Variants in NOTCH4 observed in about 807,000 individuals in gnomAD.
NOTCH4 encodes notch receptor 4.
A neutral mutation model predicts 189.0 loss-of-function variants in NOTCH4; 138 were observed. The observed-to-expected ratio is 0.73, with a 90% CI of 0.64 to 0.84. The LOEUF (loss-of-function observed/expected upper bound fraction) is 0.84, where lower values mean the gene tolerates loss of function less well. NOTCH4 is among the 40% of genes least tolerant of loss of function. The pLI is 0.00. For synonymous variants in NOTCH4, 942 were observed against 1,032.8 expected (o/e 0.91, Z 1.69); for missense variants, 2,286 against 2,605.4 (o/e 0.88, Z 2.67).
At position 32,217,097 on chromosome 6, in the gene NOTCH4, G is replaced by T; in HGVS notation, c.1739-30C>A. 6.2e-7 allele frequency: 1 copy of T among 1,613,042 alleles called. No individual in the cohort carries two copies. Among genetic ancestry groups the T allele is most frequent in the African/African-American group, 1.3e-5 (1 of 75,050 alleles). On this transcript the variant is annotated intron_variant, in intron 10 of 29. Transcript: ENST00000375023. This position sits in a 1 kb window ranked among gnomAD's most constrained non-coding sequence, Gnocchi z 4.2. Reference sequence around the variant, plus strand: ...GGCACAGCAGGAAGGTCAGGGACCTGCACGGATGTCTGCCTCCTGCTCCCG... The same window carrying T: ...GGCACAGCAGGAAGGTCAGGGACCTTCACGGATGTCTGCCTCCTGCTCCCG...
At position 32,212,719 on chromosome 6, in the gene NOTCH4, T is replaced by G. The variant is rs1245513816; in HGVS notation, c.2527-92A>C. 6.6e-7 allele frequency: 1 copy of G among 1,504,446 alleles called. No individual in the cohort carries two copies. The highest frequency in any genetic ancestry group is 9.0e-7 in the Non-Finnish European group (1 of 1,117,148). The allele number at this position is 1,504,446 out of a possible 1,614,324, so 93.2% of individuals were successfully genotyped here. On this transcript the variant is annotated intron_variant, in intron 16 of 29. Transcript: ENST00000375023. This position sits in a 1 kb window ranked among gnomAD's most constrained non-coding sequence, Gnocchi z 4.4. ...GCCCACTCCAGCTCCTCGAAATCCCTTACTTCAAAAACCTTCTCCTGAATG... is the reference window on the plus strand; with the variant it reads ...GCCCACTCCAGCTCCTCGAAATCCCGTACTTCAAAAACCTTCTCCTGAATG...
chr6:32,198,322 TA>T lies in NOTCH4; in HGVS notation c.4756+98del. 1 of 1,292,786 alleles carries T rather than the reference TA, an allele frequency of 7.7e-7. No individual in the cohort carries two copies. The highest frequency in any genetic ancestry group is 1.1e-6 in the Non-Finnish European group (1 of 938,592). The allele number at this position is 1,292,786 out of a possible 1,614,324, so 80.1% of individuals were successfully genotyped here. On this transcript the variant is annotated intron_variant, in intron 26 of 29. Coordinates refer to ENST00000375023, the MANE Select transcript of NOTCH4 (RefSeq NM_004557.4). This position sits in a 1 kb window ranked among gnomAD's most constrained non-coding sequence, Gnocchi z 5.5. Reference sequence around the variant, plus strand: ...AATCATTGTTCTAAGGCACTCAGTCTAAAATTATTTCCTCTAGTTCTGATAT... The same window carrying T: ...AATCATTGTTCTAAGGCACTCAGTCTAAATTATTTCCTCTAGTTCTGATAT...
chr6:32,195,785 C>A lies in NOTCH4; in HGVS notation c.5664G>T (p.Ala1888=). 6.2e-7 allele frequency: 1 copy of A among 1,606,722 alleles called. No homozygotes were observed. The highest frequency in any genetic ancestry group is 8.5e-7 in the Non-Finnish European group (1 of 1,179,416). The change falls in exon 30 of 30, where the codon GCG becomes GCT. Residue 1888 remains alanine, a synonymous_variant. Transcript: ENST00000375023. The surrounding 1 kb of genome is among the most constrained non-coding windows in gnomAD (Gnocchi z 5.4). ...QARTWSVDLA[A]RGGGAYSHCR... ...AATGAGAATAGGCCCCGCCCCCCCG[C>A]GCAGCCAAGTCTACGGACCAAGTCC...
Position 32,214,212 on chromosome 6 carries a change from C to T in NOTCH4, c.2065G>A (p.Glu689Lys), listed in dbSNP as rs1789225075. Residue 689 changes from glutamate to lysine, a missense_variant, in exon 13 of 30, where the codon GAG (glutamate) becomes AAG (lysine). Physicochemically the swap from Glu to Lys is moderately conservative, Grantham distance 56. This residue lies in a region of NOTCH4 where 1,903 missense variants were observed against 2,261.9 expected (regional missense o/e 0.84). Coordinates refer to ENST00000375023, the MANE Select transcript of NOTCH4 (RefSeq NM_004557.4). ...CDVGWTGPEC[E>K]AELGGCISAP... ...GAGATGCAGCCCCCTAGCTCTGCCT[C>T]ACACTCTGGCCCCGTCCAACCCACG... 4 of 1,613,566 alleles carry T rather than the reference C, an allele frequency of 2.5e-6. No homozygotes were observed. The highest frequency in any genetic ancestry group is 1.7e-5 in the Admixed American group (1 of 59,960).
rs1474726292 is a variant in NOTCH4, at chr6:32,202,346, G to A, written c.3485C>T (p.Pro1162Leu). Residue 1162 changes from proline to leucine, a missense_variant, in exon 21 of 30, where the codon CCT becomes CTT. This residue lies in a region of NOTCH4 where 1,903 missense variants were observed against 2,261.9 expected (regional missense o/e 0.84). Transcript: ENST00000375023. This position sits in a 1 kb window ranked among gnomAD's most constrained non-coding sequence, Gnocchi z 5.7. ...ACACCGGGGCCCTGGAGAGCTGTGA[G>A]GGCAGGAGCATCGAAAGCCTGGGCC... ...LGGPGFRCSC[P>L]HSSPGPRCQK... The A allele has an allele frequency of 1.2e-6, 2 of 1,612,916 alleles. No homozygotes were observed. Among genetic ancestry groups the A allele is most frequent in the Non-Finnish European group, 1.7e-6 (2 of 1,179,976 alleles).
chr6:32,220,010 G>T, intron 7 of NOTCH4, 119 bp downstream of exon 7: 1 of 1,259,708 alleles, frequency 7.9e-7, no homozygotes, highest in Non-Finnish European at 1.1e-6. Context: ...CCAAATCTGG[G>T]CAAATTCAAG....
intron 18 of NOTCH4, among the ~76,000 whole-genome samples, chr6:32,209,293 CT>C (rs1334131542): frequency 6.6e-6 from 1 of 152,020 alleles, no homozygotes; most frequent in Non-Finnish European, 1.5e-5. Flanking sequence ...TATGTGGGAG[CT>C]AAAAAAGTTA....
At chr6:32,204,462 G>T in intron 18 of NOTCH4, 73 bp from the exon 19 acceptor site, 1 of 1,549,370 alleles carries the variant, frequency 6.5e-7, no homozygotes, top group South Asian at 1.2e-5. Context: ...CCCAGCTCAA[G>T]ATAGTCTGTC....
Position 32,221,015 on chromosome 6 carries a change from C to T in NOTCH4, c.762G>A (p.Glu254=), listed in dbSNP as rs750697329. The T allele has an allele frequency of 1.1e-5, 17 of 1,607,330 alleles. No individual in the cohort carries two copies. The highest frequency in any genetic ancestry group is 1.7e-5 in the Admixed American group (1 of 59,590). The part of the protein sequence containing the change: ...SNGGTCQLMP[E]KDSTFHLCLC... ...GGCAGAGGTGAAAGGTGGAGTCTTT[C>T]TCTGGCATCAGCTGGCAGGTGCCCC... The change falls in exon 4 of 30, where the codon GAG becomes GAA. Residue 254 remains glutamate, a synonymous_variant. Coordinates refer to ENST00000375023, the MANE Select transcript of NOTCH4 (RefSeq NM_004557.4). This position sits in a 1 kb window ranked among gnomAD's most constrained non-coding sequence, Gnocchi z 4.3.
At position 32,212,594 on chromosome 6, in the gene NOTCH4, G is replaced by A. The variant is rs1346529268; in HGVS notation, c.2560C>T (p.Pro854Ser). 1.9e-6 allele frequency: 3 copies of A among 1,613,036 alleles called. No individual in the cohort carries two copies. The highest frequency in any genetic ancestry group is 1.7e-6 in the Non-Finnish European group (2 of 1,179,896). The change falls in exon 17 of 30, where the codon CCA becomes TCA. Residue 854 changes from proline to serine, a missense_variant. By Grantham distance (74) the Pro-to-Ser change is moderately conservative. This residue lies in a region of NOTCH4 where 1,903 missense variants were observed against 2,261.9 expected (regional missense o/e 0.84). Coordinates refer to ENST00000375023, the MANE Select transcript of NOTCH4 (RefSeq NM_004557.4). This position sits in a 1 kb window ranked among gnomAD's most constrained non-coding sequence, Gnocchi z 4.4. ...GTCTGGAGGCAGTGGGAATTGCGTG[G>A]GCAGGGCTTCTGGGCACATAAGTCC... ...LMDLCAQKPC[P>S]RNSHCLQTGP... is the part of the protein sequence containing the mutation.
rs766572091 is a variant in NOTCH4 at position 32,210,822 on chromosome 6, T to A, written c.2795A>T (p.Asn932Ile). The A allele has an allele frequency of 1.9e-6, 3 of 1,612,992 alleles. No individual in the cohort carries two copies. The highest frequency in any genetic ancestry group is 2.5e-6 in the Non-Finnish European group (3 of 1,179,994). The change falls in exon 18 of 30, where the codon AAC becomes ATC. Residue 932 changes from asparagine to isoleucine, a missense_variant. Physicochemically the swap from Asn to Ile is moderately radical, Grantham distance 149. Transcript: ENST00000375023. This position sits in a 1 kb window ranked among gnomAD's most constrained non-coding sequence, Gnocchi z 4.8. ...FQGSLCQDHV[N>I]PCESRPCQNG... ...CTGGCAAGGCCTGGACTCACATGGG[T>A]TCACGTGATCCTGGCACAGGCTGCC... is the stretch of plus-strand genomic sequence containing the variant.
At chr6:32,218,422 A>G (rs1789551489) in intron 8 of NOTCH4, among the ~76,000 whole-genome samples, 1 of 152,100 alleles carries the variant, frequency 6.6e-6, no homozygotes, top group Admixed American at 6.5e-5. Flanking sequence ...AGCCTGGAGG[A>G]CCTCAAGGTA....
intron 19 of NOTCH4, 87 bp from the exon 20 acceptor site, chr6:32,203,969 A>G (rs1788516511): frequency 8.9e-7 from 1 of 1,124,964 alleles, no homozygotes; most frequent in African/African-American, 1.6e-5. Context: ...GCCCAGTGCT[A>G]GATGTGCAGG....
chr6:32,219,129 T>A (rs1334324696), intron 8 of NOTCH4, among the ~76,000 whole-genome samples: 1 of 152,180 alleles, frequency 6.6e-6, no homozygotes, highest in Non-Finnish European at 1.5e-5. Context: ...TTGCAGCAAT[T>A]TTTTTCTTGT....
In NOTCH4 at chr6:32,210,956, G is replaced by A; in HGVS notation, c.2681-20C>T. The A allele has an allele frequency of 6.4e-7, 1 of 1,556,866 alleles. No homozygotes were observed. The highest frequency in any genetic ancestry group is 8.7e-7 in the Non-Finnish European group (1 of 1,153,816). The stretch of plus-strand genomic sequence containing the variant: ...CTATGCCTGGGGAGAGAGACAAACA[G>A]GGATATACAAAGATAAGTGGGGGGC... On this transcript the variant is annotated intron_variant, in intron 17 of 29. Coordinates refer to ENST00000375023, the MANE Select transcript of NOTCH4 (RefSeq NM_004557.4). The surrounding 1 kb of genome is among the most constrained non-coding windows in gnomAD (Gnocchi z 4.8).
At chr6:32,214,302 T>C in intron 12 of NOTCH4, 47 bp from the exon 13 acceptor site, 1 of 1,600,020 alleles carries the variant, frequency 6.2e-7, no homozygotes, top group Admixed American at 1.7e-5. Context: ...TCCTACTGCT[T>C]ATGTTCCCCT....
Position 32,223,964 on chromosome 6 carries a change from C to T in NOTCH4, c.-36G>A, listed in dbSNP as rs573192217. 3.3e-4 allele frequency: 514 copies of T among 1,570,474 alleles called. 10 individuals are homozygous for T. The South Asian group carries it at 5.6e-3, about 17-fold the overall frequency. ...CTTCTCCAAGCCCCGGTCCCTGTCCCTCTTCAGGCAGGGACCCTCAGAGCT... is the reference window on the plus strand; with the variant it reads ...CTTCTCCAAGCCCCGGTCCCTGTCCTTCTTCAGGCAGGGACCCTCAGAGCT... On this transcript the variant is annotated 5_prime_UTR_variant, in exon 1 of 30. Transcript: ENST00000375023.
In NOTCH4 at chr6:32,222,746, C is replaced by T. The variant is rs2127491199; in HGVS notation, c.216G>A (p.Gln72=). 1 of 1,612,420 alleles carries T rather than the reference C, an allele frequency of 6.2e-7. No homozygotes were observed. Among genetic ancestry groups the T allele is most frequent in the East Asian group, 2.2e-5 (1 of 44,874 alleles). Residue 72 remains glutamine, a synonymous_variant, in exon 3 of 30, where the codon CAG becomes CAA. Coordinates refer to ENST00000375023, the MANE Select transcript of NOTCH4 (RefSeq NM_004557.4). The part of the protein sequence containing the change: ...CQFPDPCQNA[Q]LCQNGGSCQA... ...GGCAGCTGCCTCCATTTTGGCAGAG[C>T]TGGGCGTTCTGGCAGGGGTCAGGAA...
chr6:32,223,906 AG>A lies in NOTCH4; in HGVS notation c.22del (p.Leu8CysfsTer35). 1 of 1,590,468 alleles carries A rather than the reference AG, an allele frequency of 6.3e-7. No homozygotes were observed. The highest frequency in any genetic ancestry group is 8.5e-7 in the Non-Finnish European group (1 of 1,173,126). ...TAGCAGCAGCAGCAGCAGCAGCAGC[AG>A]CAGCAGTGAAGGGGGCTGCATTCCA... MQPPSLL[L>X]LLLLLLLLCV... On this transcript the variant is annotated frameshift_variant, in exon 1 of 30. Coordinates refer to ENST00000375023, the MANE Select transcript of NOTCH4 (RefSeq NM_004557.4). LOFTEE classifies it high-confidence loss of function.
Sources: gnomAD v4.1 joint callset for allele counts (sites outside exome capture counted in the v4.1 genomes callset) on GRCh38, gnomAD v4.1.1 for gene constraint, gnomAD v4.1.1 regional missense constraint, Gnocchi (gnomAD v3.1) non-coding constraint, MANE v1.5 for transcripts, NCBI Gene and HGNC (gene_info 2026-07-23, HGNC 2026-07-21) for gene names.